Variants in SRP68 observed in about 807,000 individuals in gnomAD.
SRP68 encodes the protein signal recognition particle subunit SRP68.
SRP68 carries 15 observed loss-of-function variants against 82.2 expected under a neutral mutation model. That is an observed-to-expected ratio of 0.18 (90% CI 0.12 to 0.28). SRP68 has a LOEUF of 0.28. Ranked by LOEUF, SRP68 falls within the 10% of genes least tolerant of loss-of-function variation. The probability of loss-of-function intolerance (pLI) is 1.00; values close to 1 mark genes in which losing one functional copy is unlikely to be tolerated. For missense variants in SRP68, 595 were observed against 780.5 expected, an observed-to-expected ratio of 0.76 and a Z score of 2.83; for synonymous variants, 261 against 292.6, an observed-to-expected ratio of 0.89 and a Z score of 1.10.
At chr17:76,069,828 A>G (rs1187591857) in intron 2 of SRP68, among the ~76,000 whole-genome samples, 3 of 150,176 alleles carry the variant, frequency 2.0e-5, no homozygotes, top group African/African-American at 7.3e-5. Context: ...TGTAATTCCA[A>G]CACTTTGGGA....
chr17:76,060,761 T>C (rs1317862670), intron 6 of SRP68: 1 of 342,282 alleles, frequency 2.9e-6, no homozygotes, highest in East Asian at 6.0e-5. Context: ...AGAGAGGCTA[T>C]GGATGTGGGG....
rs2066749708 is a variant in SRP68 at position 76,061,181 on chromosome 17, T to G, written c.683A>C (p.Glu228Ala). 6.2e-7 allele frequency: 1 copy of G among 1,613,852 alleles called. No individual in the cohort carries two copies. The highest frequency in any genetic ancestry group is 8.5e-7 in the Non-Finnish European group (1 of 1,179,886). Reference protein sequence around the residue: ...YEKLASAFTEEQAVLYNQRVE... With the variant: ...YEKLASAFTEAQAVLYNQRVE... ...ACGTTGGTTATACAGCACAGCCTGC[T>G]CCTCTGTGAAAGCACTGGCTAGCTT... Residue 228 changes from glutamate (E) to alanine (A), a missense_variant, in exon 6 of 16, where the codon GAG (glutamate) becomes GCG (alanine). This residue lies in a region of SRP68 where 495 missense variants were observed against 688.6 expected (regional missense o/e 0.72). Coordinates refer to ENST00000307877, the MANE Select transcript of SRP68 (RefSeq NM_014230.4).
chr17:76,053,265 CAAAAAAAAAAA>C (rs34472995), intron 8 of SRP68, among the ~76,000 whole-genome samples: 4 of 82,566 alleles, frequency 4.8e-5, no homozygotes, highest in Non-Finnish European at 9.6e-5. Flanking sequence ...GACCCTGTCT[CAAAAAAAAAAA>C]AAAAAAAAAG....
intron 8 of SRP68, among the ~76,000 whole-genome samples, chr17:76,052,001 G>A (rs2066676348): frequency 6.6e-6 from 1 of 152,142 alleles, no homozygotes. Flanking sequence ...ACCGCCTCCT[G>A]GGTTCATGAG....
chr17:76,061,669 T>C (rs1438509708), intron 4 of SRP68, 95 bp from the exon 5 acceptor site: 4 of 1,039,262 alleles, frequency 3.8e-6, no homozygotes, highest in Non-Finnish European at 5.9e-6. Flanking sequence ...ATATCAAGAA[T>C]ATGGATATGG....
intron 4 of SRP68, among the ~76,000 whole-genome samples, chr17:76,062,148 A>G (rs1035248690): frequency 6.6e-6 from 1 of 151,810 alleles, no homozygotes; most frequent in Non-Finnish European, 1.5e-5. Flanking sequence ...TTAGCTGGAC[A>G]TGGCGGCAGG....
Position 76,039,759 on chromosome 17 carries a change from T to A in SRP68, c.1831A>T (p.Thr611Ser), listed in dbSNP as rs759635517. 4.3e-6 allele frequency: 7 copies of A among 1,614,062 alleles called. No homozygotes were observed. The African/African-American group carries it at 5.3e-5, about 12-fold the overall frequency. ...PPLEDKLEQK[T>S]KSGLTGYIKG... ...ATGTATCCAGTGAGGCCACTCTTGG[T>A]CTTCTGTTCCAACTTGTCCTCAAGG... The change falls in exon 16 of 16, where the codon ACC (threonine) becomes TCC (serine). Residue 611 changes from threonine to serine, a missense_variant. Thr to Ser is a moderately conservative substitution (Grantham distance 58). Transcript: ENST00000307877.
chr17:76,042,910 T>A (rs75829986), intron 13 of SRP68, among the ~76,000 whole-genome samples: 2 of 152,086 alleles, frequency 1.3e-5, no homozygotes, highest in Non-Finnish European at 2.9e-5. Context: ...AGATCAAGCA[T>A]TTCCTTAGCT....
chr17:76,045,239 T>A (rs369745455), intron 12 of SRP68, 53 bp downstream of exon 12: 1 of 1,419,486 alleles, frequency 7.0e-7, no homozygotes, highest in African/African-American at 1.4e-5. Context: ...ATGCTCCCAA[T>A]GCTTATAGAA....
At chr17:76,061,662 T>A (rs980139439) in intron 4 of SRP68, 88 bp from the exon 5 acceptor site, 2 of 1,131,890 alleles carry the variant, frequency 1.8e-6, no homozygotes, top group Admixed American at 3.7e-5. Context: ...AACTTTGATA[T>A]CAAGAATATG....
chr17:76,040,661 C>T (rs968661806), intron 14 of SRP68, 187 bp from the exon 15 acceptor site: 9 of 685,480 alleles, frequency 1.3e-5, no homozygotes, highest in Admixed American at 2.4e-5. Flanking sequence ...CCAATGCCGT[C>T]GGCCCAGTGA....
rs552112903 is a variant in SRP68 at position 76,066,606 on chromosome 17, GTTTT to G, written c.365+607_365+610del. ...ACTTCAACATTTGCCATCCCAACAG[GTTTT>G]TTTTTTTTTTTTTTGGTTTTAAAAA... On this transcript the variant is annotated intron_variant, in intron 3 of 15. Transcript: ENST00000307877. Among the ~76,000 whole-genome samples the G allele has an allele frequency of 3.6e-4, 45 of 124,064 alleles. 1 individual carries two copies. In the South Asian group the frequency reaches 0.012, roughly 33 times the overall value. 81.4% of individuals were successfully genotyped at this position (124,064 alleles called of 152,430 possible).
chr17:76,070,232 A>G (rs1390962154), intron 2 of SRP68, 146 bp downstream of exon 2: 1 of 698,570 alleles, frequency 1.4e-6, no homozygotes, highest in Non-Finnish European at 2.3e-6. Context: ...CAAAAAAAAA[A>G]AAAAAAACAA....
At position 76,072,166 on chromosome 17, in the gene SRP68, A is replaced by C; in HGVS notation, c.184+142T>G. 2 of 1,392,444 alleles carry C rather than the reference A, an allele frequency of 1.4e-6. No homozygotes were observed. The highest frequency in any genetic ancestry group is 1.9e-6 in the Non-Finnish European group (2 of 1,028,830). The allele number at this position is 1,392,444 out of a possible 1,614,324, so 86.3% of individuals were successfully genotyped here. A position where few individuals can be genotyped will look rare whatever the true frequency, so the allele number is the denominator to read the frequency against. On this transcript the variant is annotated intron_variant, in intron 1 of 15. Transcript: ENST00000307877. The surrounding 1 kb of genome is among the most constrained non-coding windows in gnomAD (Gnocchi z 4.5). ...GAGACAGACCCCCCCCGGAATTCTG[A>C]GCACCAAAAGGTAAGGGCGAGAGAA...
chr17:76,050,568 A>G, intron 8 of SRP68, 42 bp from the exon 9 acceptor site: 1 of 1,517,916 alleles, frequency 6.6e-7, no homozygotes, highest in Non-Finnish European at 9.1e-7. Flanking sequence ...TCCTTTGAGC[A>G]AACCATAGTC....
At chr17:76,065,015 G>C (rs2144525631) in intron 3 of SRP68, among the ~76,000 whole-genome samples, 1 of 152,194 alleles carries the variant, frequency 6.6e-6, no homozygotes, top group South Asian at 2.1e-4. Flanking sequence ...ATTTAGACCA[G>C]AACCTGGCAC....
intron 7 of SRP68, among the ~76,000 whole-genome samples, chr17:76,058,784 T>C (rs748987042): frequency 5.9e-5 from 9 of 152,216 alleles, no homozygotes; most frequent in Non-Finnish European, 1.2e-4. Flanking sequence ...TTAATTCCAG[T>C]TTTAGGAATT....
chr17:76,070,777 G>C (rs548543882), intron 1 of SRP68, among the ~76,000 whole-genome samples: 1 of 152,066 alleles, frequency 6.6e-6, no homozygotes, highest in South Asian at 2.1e-4. Flanking sequence ...GGAAGGCAGA[G>C]GTTGCAATGA....
intron 5 of SRP68, 64 bp downstream of exon 5, chr17:76,061,428 C>T: frequency 7.1e-7 from 1 of 1,409,360 alleles, no homozygotes; most frequent in Non-Finnish European, 1.0e-6. Context: ...ACTATCTGAT[C>T]TGCAGCTTAA....
Sources: gnomAD v4.1 joint callset for allele counts (sites outside exome capture counted in the v4.1 genomes callset) on GRCh38, gnomAD v4.1.1 for gene constraint, gnomAD v4.1.1 regional missense constraint, Gnocchi (gnomAD v3.1) non-coding constraint, MANE v1.5 for transcripts, NCBI Gene and HGNC (gene_info 2026-07-23, HGNC 2026-07-21) for gene names.